NPIPB11: variants seen among roughly 807,000 people sequenced by gnomAD.
NPIPB11 encodes the protein nuclear pore complex interacting protein family member B11, also known as nuclear pore complex-interacting protein family member B11.
A neutral mutation model predicts 32.8 loss-of-function variants in NPIPB11; 17 were observed. The ratio of observed to expected loss-of-function variants is 0.52; its 90% confidence interval spans 0.35 to 0.78. The LOEUF (loss-of-function observed/expected upper bound fraction) is 0.78. Among genes scored for constraint, NPIPB11 ranks in the 30% least tolerant of loss-of-function variants. The pLI, the probability that NPIPB11 is intolerant of heterozygous loss-of-function variation, is 0.01. For synonymous variants in NPIPB11, 209 were observed against 398.4 expected (o/e 0.52, Z 5.66); for missense variants, 537 against 1,000.4 (o/e 0.54, Z 6.25).
At chr16:29,389,788 G>A (rs1963667333) in intron 5 of NPIPB11, among the ~76,000 whole-genome samples, 153 bp downstream of exon 5, 1 of 150,710 alleles carries the variant, frequency 6.6e-6, no homozygotes, top group African/African-American at 2.4e-5. Context: ...GAATTATACA[G>A]CTTAAACTAA....
chr16:29,397,217 T>C (rs1439547662), intron 2 of NPIPB11, among the ~76,000 whole-genome samples: 1 of 148,068 alleles, frequency 6.8e-6, no homozygotes, highest in Non-Finnish European at 1.5e-5. Context: ...TCAAATGACA[T>C]TTCACTTTGT....
At chr16:29,387,390 GCTC>G (rs1963607877) in intron 5 of NPIPB11, among the ~76,000 whole-genome samples, 1 of 145,454 alleles carries the variant, frequency 6.9e-6, no homozygotes, top group East Asian at 2.0e-4. Context: ...GCAGAGGATT[GCTC>G]CTCATCTGAC....
At chr16:29,389,415 T>G (rs1408965111) in intron 5 of NPIPB11, among the ~76,000 whole-genome samples, 55 of 129,786 alleles carry the variant, frequency 4.2e-4, no homozygotes, top group African/African-American at 1.6e-3. Context: ...GGCTCACGCC[T>G]CTAATCCCAG....
chr16:29,402,808 TATC>T (rs1192335665), intron 2 of NPIPB11, among the ~76,000 whole-genome samples: 1 of 145,630 alleles, frequency 6.9e-6, no homozygotes, highest in East Asian at 2.1e-4. Flanking sequence ...TTTTTGAGAT[TATC>T]ATTTTAAAAG....
chr16:29,401,901 T>C (rs1405095829), intron 2 of NPIPB11, among the ~76,000 whole-genome samples: 3 of 151,192 alleles, frequency 2.0e-5, no homozygotes, highest in Non-Finnish European at 4.4e-5. Flanking sequence ...TTCAGTGGTG[T>C]ACATTTCCAC....
At chr16:29,389,430 T>A (rs1377315059) in intron 5 of NPIPB11, among the ~76,000 whole-genome samples, 1 of 141,236 alleles carries the variant, frequency 7.1e-6, no homozygotes, top group Non-Finnish European at 1.5e-5. Flanking sequence ...TCCCAGCACT[T>A]TGGGAGGCTG....
intron 5 of NPIPB11, among the ~76,000 whole-genome samples, chr16:29,389,150 A>G (rs1231126352): frequency 6.8e-6 from 1 of 147,554 alleles, no homozygotes; most frequent in African/African-American, 2.5e-5. Context: ...AGCCAAGATC[A>G]TGCCACTGCA....
intron 2 of NPIPB11, among the ~76,000 whole-genome samples, chr16:29,402,483 T>C (rs1279655533): frequency 9.9e-6 from 1 of 101,090 alleles, no homozygotes; most frequent in African/African-American, 5.1e-5. Flanking sequence ...GGTGGGCAGA[T>C]TACGAGGTCA....
chr16:29,398,676 A>G (rs1451921324), intron 2 of NPIPB11, among the ~76,000 whole-genome samples: 1 of 151,664 alleles, frequency 6.6e-6, no homozygotes. Context: ...ATTCAAAATT[A>G]TTATTTGCTT....
At chr16:29,392,228 C>T (rs1963740011) in intron 3 of NPIPB11, among the ~76,000 whole-genome samples, 1 of 152,090 alleles carries the variant, frequency 6.6e-6, no homozygotes, top group African/African-American at 2.4e-5. Flanking sequence ...ATGTCAAACA[C>T]ATGAAGAAAT....
intron 5 of NPIPB11, among the ~76,000 whole-genome samples, 164 bp downstream of exon 5, chr16:29,389,777 G>A (rs1483795354): frequency 6.6e-6 from 1 of 151,078 alleles, no homozygotes; most frequent in African/African-American, 2.4e-5. Context: ...GGAAGGGAAA[G>A]GAATTATACA....
At chr16:29,389,062 G>A (rs1165593794) in intron 5 of NPIPB11, among the ~76,000 whole-genome samples, 1 of 151,640 alleles carries the variant, frequency 6.6e-6, no homozygotes, top group African/African-American at 2.4e-5. Flanking sequence ...GGGCATGGTG[G>A]CATATGTCTG....
In NPIPB11 at chr16:29,389,853, G is replaced by A. The variant is rs141576900; in HGVS notation, c.545+88C>T. On this transcript the variant is annotated intron_variant, in intron 5 of 7. Coordinates refer to ENST00000524087, the Ensembl canonical transcript of NPIPB11. ...ACCTACTGAATTTGCCACAAATATT[G>A]TAGAAAATATTCTCAAGGACTTTAC... The A allele has an allele frequency of 3.3e-5, 52 of 1,568,878 alleles. No individual in the cohort carries two copies. In the African/African-American group the frequency reaches 6.2e-4, roughly 19 times the overall value.
chr16:29,401,347 C>A (rs1037476535), intron 2 of NPIPB11, among the ~76,000 whole-genome samples: 4 of 152,098 alleles, frequency 2.6e-5, no homozygotes, highest in Non-Finnish European at 4.4e-5. Flanking sequence ...CTGAGGCAGT[C>A]AGAGATTTAC....
intron 2 of NPIPB11, among the ~76,000 whole-genome samples, chr16:29,394,386 A>G (rs1333404386): frequency 1.3e-5 from 2 of 151,166 alleles, no homozygotes; most frequent in Non-Finnish European, 2.9e-5. Flanking sequence ...CACACATAAC[A>G]TACACAAACA....
intron 3 of NPIPB11, among the ~76,000 whole-genome samples, 178 bp from the exon 4 acceptor site, chr16:29,390,526 G>T (rs578249046): frequency 6.6e-6 from 1 of 151,464 alleles, no homozygotes; most frequent in Non-Finnish European, 1.5e-5. Flanking sequence ...GGCAGCGGGC[G>T]CCTGTAATCC....
At chr16:29,406,447 G>A (rs865875608), upstream of NPIPB11, among the ~76,000 whole-genome samples, 6 of 149,032 alleles carry the variant, frequency 4.0e-5, no homozygotes, top group East Asian at 3.9e-4. Context: ...GCTGGGCACC[G>A]TCACTCATGC....
At chr16:29,395,616 A>T (rs1209371712) in intron 2 of NPIPB11, among the ~76,000 whole-genome samples, 2 of 17,496 alleles carry the variant, frequency 1.1e-4, no homozygotes, top group African/African-American at 2.6e-3. Flanking sequence ...CAGCATAAGT[A>T]AAAAAAAAAA....
chr16:29,406,374 G>A (rs1294631337), upstream of NPIPB11, among the ~76,000 whole-genome samples: 5 of 152,242 alleles, frequency 3.3e-5, no homozygotes, highest in African/African-American at 1.2e-4. Flanking sequence ...AATATGATTT[G>A]TAATTTTGAT....
Sources: gnomAD v4.1 joint callset for allele counts (sites outside exome capture counted in the v4.1 genomes callset) on GRCh38, gnomAD v4.1.1 for gene constraint, MANE v1.5 for transcripts, NCBI Gene and HGNC (gene_info 2026-07-23, HGNC 2026-07-21) for gene names.